Variants in TYW1B observed in about 807,000 individuals in gnomAD.
TYW1B encodes the protein tRNA-yW synthesizing protein 1 homolog B, also known as S-adenosyl-L-methionine-dependent tRNA 4-demethylwyosine synthase TYW1B.
TYW1B carries 73 observed loss-of-function variants against 86.9 expected under a neutral mutation model. That is an observed-to-expected ratio of 0.84 (90% CI 0.70 to 1.02). The LOEUF is 1.02. TYW1B is among the 50% of genes least tolerant of loss of function. The pLI, the probability that TYW1B is intolerant of heterozygous loss-of-function variation, is 0.00. For synonymous variants in TYW1B, 248 were observed against 292.8 expected, an observed-to-expected ratio of 0.85 and a Z score of 1.56; for missense variants, 637 against 827.4, an observed-to-expected ratio of 0.77 and a Z score of 2.82.
At chr7:72,663,272 C>A (rs1266600130) in intron 11 of TYW1B, among the ~76,000 whole-genome samples, 2 of 152,110 alleles carry the variant, frequency 1.3e-5, no homozygotes, top group African/African-American at 2.4e-5. Context: ...TCCCAAACCA[C>A]TTTTGATAAA....
chr7:72,622,400 A>G (rs1785068310), intron 12 of TYW1B, among the ~76,000 whole-genome samples: 1 of 152,244 alleles, frequency 6.6e-6, no homozygotes, highest in South Asian at 2.1e-4. Context: ...GGCATACATT[A>G]CCCCATTGAA....
intron 4 of TYW1B, among the ~76,000 whole-genome samples, chr7:72,809,041 ATTT>A (rs35685950): frequency 2.8e-3 from 333 of 117,564 alleles, no homozygotes; most frequent in South Asian, 2.6e-3. Context: ...AAAATTCATG[ATTT>A]TTTTTTTTTT....
At chr7:72,581,818 A>G (rs1811159339) in intron 13 of TYW1B, among the ~76,000 whole-genome samples, 1 of 152,026 alleles carries the variant, frequency 6.6e-6, no homozygotes, top group Admixed American at 6.6e-5. Flanking sequence ...CCCAGGCTGG[A>G]GTGCAATGGC....
At chr7:72,613,534 A>G (rs1554436341) in intron 13 of TYW1B, among the ~76,000 whole-genome samples, 1 of 149,452 alleles carries the variant, frequency 6.7e-6, no homozygotes, top group East Asian at 2.0e-4. Context: ...CAGCTTCCTG[A>G]GTACCTGAGA....
intron 5 of TYW1B, among the ~76,000 whole-genome samples, chr7:72,804,636 G>C (rs562362569): frequency 1.3e-5 from 2 of 152,300 alleles, no homozygotes; most frequent in African/African-American, 4.8e-5. Context: ...TCAGGAGTTT[G>C]AGATCAGCCT....
chr7:72,649,984 G>A (rs1386150336), intron 11 of TYW1B, among the ~76,000 whole-genome samples: 1 of 151,976 alleles, frequency 6.6e-6, no homozygotes, highest in Non-Finnish European at 1.5e-5. Context: ...CTGCCTGCCA[G>A]GTTCATGCCA....
At chr7:72,813,607 T>C (rs1788665616) in intron 3 of TYW1B, among the ~76,000 whole-genome samples, 1 of 152,344 alleles carries the variant, frequency 6.6e-6, no homozygotes, top group East Asian at 1.9e-4. Flanking sequence ...TGCTGCTGGC[T>C]CAGGGGCCAC....
At chr7:72,590,589 T>C (rs1201323040) in intron 13 of TYW1B, among the ~76,000 whole-genome samples, 2 of 152,178 alleles carry the variant, frequency 1.3e-5, no homozygotes, top group Non-Finnish European at 2.9e-5. Context: ...CAGGGAAAGG[T>C]ACAGTCTTCA....
intron 10 of TYW1B, among the ~76,000 whole-genome samples, chr7:72,703,039 T>TTGAGATGGAGTCTCGCTC (rs1814525013): frequency 1.4e-5 from 2 of 142,058 alleles, no homozygotes; most frequent in Admixed American, 7.2e-5. Flanking sequence ...TTTTTTTTTT[T>TTGAGATGGAGTCTCGCTC]TTTGAGATGG....
intron 11 of TYW1B, among the ~76,000 whole-genome samples, chr7:72,691,880 C>A (rs1435646859): frequency 6.6e-6 from 1 of 152,092 alleles, no homozygotes; most frequent in Non-Finnish European, 1.5e-5. Context: ...TAGTACTTTA[C>A]AAATCTCTGT....
chr7:72,676,400 T>C (rs1218212722), intron 11 of TYW1B, among the ~76,000 whole-genome samples: 5 of 152,216 alleles, frequency 3.3e-5, no homozygotes, highest in South Asian at 2.1e-4. Flanking sequence ...ATGATAAGAA[T>C]GTTCTCTGCA....
chr7:72,674,777 T>A (rs1554447074), intron 11 of TYW1B, among the ~76,000 whole-genome samples: 1 of 149,660 alleles, frequency 6.7e-6, no homozygotes, highest in East Asian at 2.0e-4. Context: ...TTTTTTTTTT[T>A]AAAGAGATGG....
intron 8 of TYW1B, among the ~76,000 whole-genome samples, chr7:72,733,159 AACACACACACACACACACAC>A (rs145935571): frequency 6.8e-6 from 1 of 147,110 alleles, no homozygotes; most frequent in Non-Finnish European, 1.5e-5. Context: ...CCAAACCTAA[AACACACACACACACACACAC>A]ACACACACAC....
chr7:72,648,280 C>T (rs539119158), intron 11 of TYW1B, among the ~76,000 whole-genome samples: 5 of 152,152 alleles, frequency 3.3e-5, no homozygotes, highest in African/African-American at 9.6e-5. Flanking sequence ...TGGTGGTTTA[C>T]GCTTGTAATC....
At chr7:72,600,664 AC>A (rs1246068846) in intron 13 of TYW1B, among the ~76,000 whole-genome samples, 3 of 152,214 alleles carry the variant, frequency 2.0e-5, no homozygotes, top group Admixed American at 1.3e-4. Context: ...TAAGAAAATA[AC>A]CAACTACCAG....
rs782604313 is a variant in TYW1B, at chr7:72,766,508, G to A, written c.964+10908C>T. Among the ~76,000 whole-genome samples, 8 of 151,106 alleles carry A rather than the reference G, an allele frequency of 5.3e-5. No individual in the cohort carries two copies. The South Asian group carries it at 6.2e-4, about 12-fold the overall frequency. ...ACTTGCCTGTAATCCCAGCTACTCC[G>A]GAGGCTTAGGCAGGAGAATCACTTG... On this transcript the variant is annotated intron_variant, in intron 7 of 13. Coordinates refer to ENST00000620995, the MANE Select transcript of TYW1B (RefSeq NM_001145440.3).
At chr7:72,639,684 T>C (rs532901698) in intron 11 of TYW1B, among the ~76,000 whole-genome samples, 2 of 151,944 alleles carry the variant, frequency 1.3e-5, no homozygotes, top group Non-Finnish European at 2.9e-5. Flanking sequence ...GCCAACATGG[T>C]GAAATGCAGT....
At position 72,822,351 on chromosome 7, in the gene TYW1B, T is replaced by G. The variant is rs140339046; in HGVS notation, c.135+4504A>C. Among the ~76,000 whole-genome samples the G allele has an allele frequency of 3.5e-3, 530 of 151,892 alleles. 2 individuals are homozygous for G. Among genetic ancestry groups the G allele is most frequent in the African/African-American group, 0.012 (498 of 41,368 alleles). On this transcript the variant is annotated intron_variant, in intron 2 of 13. Transcript: ENST00000620995. The stretch of plus-strand genomic sequence containing the variant: ...ATCCAAGAAATATTAACAGAACTAA[T>G]GCACACAAATCGTCAAAATGCATAC...
intron 10 of TYW1B, among the ~76,000 whole-genome samples, chr7:72,702,128 C>T (rs1554452687): frequency 6.6e-6 from 1 of 152,152 alleles, no homozygotes; most frequent in Non-Finnish European, 1.5e-5. Context: ...CTGTTAATGC[C>T]ACTTGAGGCA....
Sources: allele counts gnomAD v4.1 joint callset (sites outside exome capture counted in the v4.1 genomes callset), GRCh38; gene constraint gnomAD v4.1.1; transcripts MANE v1.5; gene names NCBI Gene and HGNC (gene_info 2026-07-23, HGNC 2026-07-21).